STX8: variants seen among roughly 807,000 people sequenced by gnomAD.
STX8 encodes syntaxin 8, also known as syntaxin-8.
In STX8, 23 loss-of-function variants were observed where a neutral mutation model predicts 37.5. That is an observed-to-expected ratio of 0.61 (90% CI 0.44 to 0.87). The LOEUF is 0.87. STX8 is among the 40% of genes least tolerant of loss of function. The pLI is 0.00. For missense variants in STX8, 313 were observed against 284.7 expected, an observed-to-expected ratio of 1.10 and a Z score of -0.71; for synonymous variants, 115 against 99.1, an observed-to-expected ratio of 1.16 and a Z score of -0.95.
intron 3 of STX8, among the ~76,000 whole-genome samples, chr17:9,546,949 TG>T (rs1479820683): frequency 6.6e-6 from 1 of 151,396 alleles, no homozygotes; most frequent in Non-Finnish European, 1.5e-5. Context: ...GTGTGTGGTA[TG>T]TTAAGAAACA....
intron 7 of STX8, among the ~76,000 whole-genome samples, chr17:9,285,430 A>G (rs1310371973): frequency 6.6e-6 from 1 of 151,894 alleles, no homozygotes; most frequent in Non-Finnish European, 1.5e-5. Flanking sequence ...AAAAAAAAAA[A>G]AGGAGAAACA....
chr17:9,438,854 G>A (rs553718392), intron 6 of STX8, among the ~76,000 whole-genome samples: 31 of 152,156 alleles, frequency 2.0e-4, no homozygotes, highest in African/African-American at 6.7e-4. Context: ...GCATGAACCC[G>A]GGAGGCGGAG....
chr17:9,457,321 T>C (rs1371994786), intron 6 of STX8, among the ~76,000 whole-genome samples: 1 of 152,238 alleles, frequency 6.6e-6, no homozygotes, highest in Non-Finnish European at 1.5e-5. Context: ...TCCATTTCCT[T>C]GCCTTTCCAG....
At chr17:9,547,643 AAAAG>A in intron 3 of STX8, among the ~76,000 whole-genome samples, 26 of 32,276 alleles carry the variant, frequency 8.1e-4, no homozygotes, top group African/African-American at 1.8e-3. Flanking sequence ...AAAAAAAGAA[AAAAG>A]AAAAGAAAAG....
chr17:9,454,007 G>T (rs942329341), intron 6 of STX8, among the ~76,000 whole-genome samples: 6 of 152,068 alleles, frequency 3.9e-5, no homozygotes, highest in South Asian at 4.1e-4. Flanking sequence ...TGCAAAGGAA[G>T]CGTTTATAAG....
At chr17:9,394,323 A>G (rs192659824) in intron 6 of STX8, among the ~76,000 whole-genome samples, 4 of 152,232 alleles carry the variant, frequency 2.6e-5, no homozygotes, top group African/African-American at 9.6e-5. Flanking sequence ...ATGGGAAAAC[A>G]GCCAAGTCTG....
chr17:9,419,270 T>C (rs1046240473), intron 6 of STX8, among the ~76,000 whole-genome samples: 6 of 151,878 alleles, frequency 4.0e-5, no homozygotes, highest in African/African-American at 1.5e-4. Flanking sequence ...AGGGTCTCAC[T>C]ATGTTGAGAT....
chr17:9,274,507 T>A (rs1447897669), intron 7 of STX8, among the ~76,000 whole-genome samples: 1 of 151,252 alleles, frequency 6.6e-6, no homozygotes, highest in African/African-American at 2.4e-5. Context: ...AGACCCTGTC[T>A]CTACTAAAAA....
chr17:9,296,382 C>T (rs1908541757), intron 7 of STX8, among the ~76,000 whole-genome samples: 1 of 151,928 alleles, frequency 6.6e-6, no homozygotes. Context: ...CCTGTAATCC[C>T]AGCTACTTGG....
At chr17:9,462,346 A>C (rs1192424898) in intron 6 of STX8, among the ~76,000 whole-genome samples, 2 of 152,180 alleles carry the variant, frequency 1.3e-5, no homozygotes, top group African/African-American at 4.8e-5. Flanking sequence ...ATAAGTTCTA[A>C]GCAAACCAAG....
chr17:9,329,479 G>A (rs934560969), intron 7 of STX8, among the ~76,000 whole-genome samples: 7 of 152,210 alleles, frequency 4.6e-5, no homozygotes, highest in Admixed American at 2.0e-4. Context: ...CAGTCACTGG[G>A]TGAGGGACAC....
chr17:9,272,228 G>C (rs1000392458), intron 7 of STX8, among the ~76,000 whole-genome samples: 1 of 152,242 alleles, frequency 6.6e-6, no homozygotes, highest in African/African-American at 2.4e-5. Flanking sequence ...AATGATCTCT[G>C]CCAGATTGCC....
chr17:9,574,151 G>A (rs1907798389), intron 1 of STX8, among the ~76,000 whole-genome samples: 1 of 151,650 alleles, frequency 6.6e-6, no homozygotes, highest in Admixed American at 6.6e-5. Context: ...TGCGCCTGTA[G>A]TCCCAGCTAC....
At chr17:9,532,014 T>C (rs561476544) in intron 4 of STX8, among the ~76,000 whole-genome samples, 1 of 152,198 alleles carries the variant, frequency 6.6e-6, no homozygotes, top group Non-Finnish European at 1.5e-5. Flanking sequence ...ATCAATGACA[T>C]GGAGTTGCAA....
At chr17:9,402,766 A>T (rs1912669298) in intron 6 of STX8, among the ~76,000 whole-genome samples, 1 of 152,186 alleles carries the variant, frequency 6.6e-6, no homozygotes, top group Non-Finnish European at 1.5e-5. Context: ...GCATGATGCT[A>T]AACTTAACTT....
At chr17:9,278,720 A>T (rs1480384130) in intron 7 of STX8, among the ~76,000 whole-genome samples, 1 of 152,022 alleles carries the variant, frequency 6.6e-6, no homozygotes, top group Non-Finnish European at 1.5e-5. Flanking sequence ...AGTGATGGTG[A>T]CAGGTTGAGA....
At chr17:9,333,447 G>A (rs1910025296) in intron 7 of STX8, among the ~76,000 whole-genome samples, 1 of 152,134 alleles carries the variant, frequency 6.6e-6, no homozygotes, top group African/African-American at 2.4e-5. Context: ...GAGTGCAGTG[G>A]CATGATCTCG....
chr17:9,416,296 C>A (rs1317105396), intron 6 of STX8, among the ~76,000 whole-genome samples: 1 of 131,780 alleles, frequency 7.6e-6, no homozygotes, highest in Non-Finnish European at 1.6e-5. Flanking sequence ...CTGCTTCTAG[C>A]CTCTCAGGCT....
At chr17:9,360,139 G>T (rs1255911580) in intron 7 of STX8, among the ~76,000 whole-genome samples, 1 of 151,696 alleles carries the variant, frequency 6.6e-6, no homozygotes, top group Non-Finnish European at 1.5e-5. Context: ...ATAATTTAAT[G>T]GAAAGGGGGA....
Sources: gnomAD v4.1 joint callset for allele counts (sites outside exome capture counted in the v4.1 genomes callset) on GRCh38, gnomAD v4.1.1 for gene constraint, MANE v1.5 for transcripts, NCBI Gene and HGNC (gene_info 2026-07-23, HGNC 2026-07-21) for gene names.